Variants in BDH1 observed in about 807,000 individuals in gnomAD.
BDH1 encodes the protein D-beta-hydroxybutyrate dehydrogenase, mitochondrial.
Under a neutral mutation model 33.1 loss-of-function variants are expected in BDH1, and 30 were observed. The observed-to-expected ratio is 0.91, with a 90% CI of 0.68 to 1.23. The LOEUF is 1.23. Among genes scored for constraint, BDH1 ranks in the 50% most tolerant of loss-of-function variants. BDH1 has a pLI of 0.00. For missense variants in BDH1, 443 were observed against 464.4 expected, an observed-to-expected ratio of 0.95 and a Z score of 0.42; for synonymous variants, 190 against 183.6, an observed-to-expected ratio of 1.03 and a Z score of -0.28.
At chr3:197,557,510 T>C (rs1205313028), upstream of BDH1, among the ~76,000 whole-genome samples, 1 of 152,242 alleles carries the variant, frequency 6.6e-6, no homozygotes, top group African/African-American at 2.4e-5. This position sits in a 1 kb window ranked among gnomAD's most constrained non-coding sequence, Gnocchi z 4.6. Context: ...TGTAGGAGGC[T>C]GAGGCGGGTG....
intron 2 of BDH1, among the ~76,000 whole-genome samples, chr3:197,551,653 T>C (rs1443348320): frequency 6.6e-6 from 1 of 152,196 alleles, no homozygotes; most frequent in Non-Finnish European, 1.5e-5. Flanking sequence ...CTACAAACTA[T>C]TCTCTGTAGT....
At chr3:197,534,546 A>G (rs1025139053) in intron 3 of BDH1, among the ~76,000 whole-genome samples, 3 of 152,158 alleles carry the variant, frequency 2.0e-5, no homozygotes, top group African/African-American at 7.2e-5. Context: ...ATTCCTACAC[A>G]GGTTTTTGCG....
Position 197,509,790 on chromosome 3 carries a change from A to G in BDH1, c.*2105T>C, listed in dbSNP as rs1043709318. 2.6e-5 allele frequency: 4 copies of G among 152,168 alleles called. No homozygotes were observed. Among genetic ancestry groups the G allele is most frequent in the African/African-American group, 9.7e-5 (4 of 41,434 alleles). 9.4% of individuals were successfully genotyped at this position (152,168 alleles called of 1,614,324 possible). A position where few individuals can be genotyped will look rare whatever the true frequency, so the allele number is the denominator to read the frequency against. On this transcript the variant is annotated 3_prime_UTR_variant, in exon 8 of 8. Transcript: ENST00000392379. ...CACGTGCAACTCCAAGGCTCCATCT[A>G]TTTTCCTTTAATAAACTTCAGCACG...
chr3:197,549,282 C>T (rs984885788), intron 2 of BDH1, among the ~76,000 whole-genome samples: 1 of 152,180 alleles, frequency 6.6e-6, no homozygotes, highest in African/African-American at 2.4e-5. Context: ...ATGCTAGAAA[C>T]ACTTGGGGCT....
intron 2 of BDH1, among the ~76,000 whole-genome samples, chr3:197,547,706 C>T (rs1485243743): frequency 6.6e-6 from 1 of 152,252 alleles, no homozygotes; most frequent in Non-Finnish European, 1.5e-5. Flanking sequence ...ACTTTCCATG[C>T]CCGTGGGGGC....
chr3:197,525,216 A>C lies in BDH1; in HGVS notation c.268-2435T>G, dbSNP rs1713973516. 6.6e-6 allele frequency among the ~76,000 whole-genome samples: 1 copy of C among 152,104 alleles called. No individual in the cohort carries two copies. The highest frequency in any genetic ancestry group is 2.1e-4 in the South Asian group (1 of 4,822). The stretch of plus-strand genomic sequence containing the variant: ...CAGGCGGCACACAGGTACCAGGAAA[A>C]CACGTGTCTTGCTTTAATGCAGTCT... On this transcript the variant is annotated intron_variant, in intron 5 of 7. Coordinates refer to ENST00000392379, the MANE Select transcript of BDH1 (RefSeq NM_203314.3). This position sits in a 1 kb window ranked among gnomAD's most constrained non-coding sequence, Gnocchi z 4.9.
rs1468962139 is a variant in BDH1, at chr3:197,533,429, G to A, written c.156+60C>T. ...TCTGAGGGTAGCTCAGGGCCTAGGG[G>A]CCCAGAAGAAAGGGTTCTGACCATC... On this transcript the variant is annotated intron_variant, in intron 4 of 7. Coordinates refer to ENST00000392379, the MANE Select transcript of BDH1 (RefSeq NM_203314.3). 3.9e-6 allele frequency: 6 copies of A among 1,552,032 alleles called. No individual in the cohort carries two copies. The Admixed American group carries it at 1.0e-4, about 26-fold the overall frequency.
In BDH1 at chr3:197,542,521, C is replaced by CTTTTTTTTTT. The variant is rs71164295; in HGVS notation, c.83+3830_83+3839dup. Among the ~76,000 whole-genome samples the CTTTTTTTTTT allele has an allele frequency of 3.3e-3, 350 of 106,376 alleles. 38 individuals are homozygous for CTTTTTTTTTT. The highest frequency in any genetic ancestry group is 0.012 in the African/African-American group (286 of 23,418). The allele number at this position is 106,376 out of a possible 152,430, so 69.8% of individuals were successfully genotyped here. A position where few individuals can be genotyped will look rare whatever the true frequency, so the allele number is the denominator to read the frequency against. ...GTCAACACGCTTTCTTTCTTGCTTGCTTTTTTTTTTTTTTTTTTTGAGACG... is the reference window on the plus strand; with the variant it reads ...GTCAACACGCTTTCTTTCTTGCTTGCTTTTTTTTTTTTTTTTTTTTTTTTTTTTTGAGACG... On this transcript the variant is annotated intron_variant, in intron 3 of 7. Transcript: ENST00000392379.
At chr3:197,567,601 C>A (rs148181428) in intron 1 of BDH1, among the ~76,000 whole-genome samples, 2 of 152,258 alleles carry the variant, frequency 1.3e-5, no homozygotes, top group East Asian at 3.9e-4. Context: ...GTGCTCTGAC[C>A]ACCTTGGGCA....
intron 6 of BDH1, among the ~76,000 whole-genome samples, chr3:197,519,735 G>T (rs2108719020): frequency 6.6e-6 from 1 of 152,168 alleles, no homozygotes; most frequent in South Asian, 2.1e-4. Flanking sequence ...ATCAGGCCAT[G>T]CCCACGGCCT....
chr3:197,533,514 C>T lies in BDH1; in HGVS notation c.131G>A (p.Arg44Gln), dbSNP rs60309541. 1.7e-3 allele frequency: 2,734 copies of T among 1,614,226 alleles called. 49 individuals are homozygous for T. The African/African-American group carries it at 0.03, about 18-fold the overall frequency. The part of the protein sequence containing the change: ...GSTSFIPIGR[R>Q]TYASAAEPVG... ...CGGCTCCGCCGCACTGGCATAAGTC[C>T]GACGGCCAATCGGGATAAAGGAAGT... Residue 44 changes from arginine (R) to glutamine (Q), a missense_variant, in exon 4 of 8, where the codon CGG (arginine) becomes CAG (glutamine). Transcript: ENST00000392379.
chr3:197,565,559 T>C (rs952967180), intron 1 of BDH1, among the ~76,000 whole-genome samples: 2 of 152,226 alleles, frequency 1.3e-5, no homozygotes, highest in African/African-American at 4.8e-5. Context: ...CTTTGGGCTG[T>C]ATTTATATAA....
chr3:197,540,467 G>A (rs975537398), intron 3 of BDH1, among the ~76,000 whole-genome samples: 11 of 149,020 alleles, frequency 7.4e-5, no homozygotes, highest in East Asian at 6.4e-4. Context: ...CCAGGAGTTC[G>A]AGACCAGCCT....
At chr3:197,559,749 A>T (rs545414584), upstream of BDH1, among the ~76,000 whole-genome samples, 1 of 152,378 alleles carries the variant, frequency 6.6e-6, no homozygotes, top group African/African-American at 2.4e-5. Flanking sequence ...TAGTAGCAAG[A>T]GACTCCCAGG....
At chr3:197,519,325 C>T (rs1403120227) in intron 6 of BDH1, among the ~76,000 whole-genome samples, 2 of 151,996 alleles carry the variant, frequency 1.3e-5, no homozygotes, top group Admixed American at 6.6e-5. Context: ...AAGCTGAGAC[C>T]CACACAGGGG....
intron 1 of BDH1, among the ~76,000 whole-genome samples, chr3:197,564,317 T>C (rs535630323): frequency 2.8e-4 from 43 of 151,646 alleles, no homozygotes; most frequent in Non-Finnish European, 5.4e-4. Flanking sequence ...GAGGATTTAT[T>C]TTAAAAAAAC....
chr3:197,510,684 GGTGTGTGTGTGTGTGTGT>G lies in BDH1; in HGVS notation c.*1193_*1210del, dbSNP rs57389278. ...TGTGTGTGTGTGTACATGTGTGTAA[GGTGTGTGTGTGTGTGTGT>G]GTGTGTGTGTGTGTGTACATGTGTG... On this transcript the variant is annotated 3_prime_UTR_variant, in exon 8 of 8. Coordinates refer to ENST00000392379, the MANE Select transcript of BDH1 (RefSeq NM_203314.3). 7 of 58,708 alleles carry G rather than the reference GGTGTGTGTGTGTGTGTGT, an allele frequency of 1.2e-4. No homozygotes were observed. In the South Asian group the frequency reaches 1.7e-3, roughly 14 times the overall value. 3.6% of individuals were successfully genotyped at this position (58,708 alleles called of 1,614,324 possible).
chr3:197,566,230 G>A (rs1717427694), intron 1 of BDH1, among the ~76,000 whole-genome samples: 1 of 152,188 alleles, frequency 6.6e-6, no homozygotes, highest in African/African-American at 2.4e-5. Flanking sequence ...GGAGAAACTG[G>A]TTATTTTACT....
At position 197,512,029 on chromosome 3, in the gene BDH1, C is replaced by T. The variant is rs781519040; in HGVS notation, c.898G>A (p.Asp300Asn). ...SGSTDTSPVI[D>N]AVTHALTATT... ...GCGGTCAGGGCGTGTGTGACAGCAT[C>T]GATGACAGGGGACGTGTCTGTGGAG... Residue 300 changes from aspartate to asparagine, a missense_variant, in exon 8 of 8, where the codon GAT becomes AAT. By Grantham distance (23) the Asp-to-Asn change is conservative. Coordinates refer to ENST00000392379, the MANE Select transcript of BDH1 (RefSeq NM_203314.3). 2 of 1,614,100 alleles carry T rather than the reference C, an allele frequency of 1.2e-6. No individual in the cohort carries two copies. The highest frequency in any genetic ancestry group is 1.7e-6 in the Non-Finnish European group (2 of 1,180,010).
Sources: allele counts gnomAD v4.1 joint callset (sites outside exome capture counted in the v4.1 genomes callset), GRCh38; gene constraint gnomAD v4.1.1; non-coding constraint Gnocchi (gnomAD v3.1); transcripts MANE v1.5; gene names NCBI Gene and HGNC (gene_info 2026-07-23, HGNC 2026-07-21).